LRRC1: variants seen among roughly 807,000 people sequenced by gnomAD.
LRRC1 encodes leucine-rich repeat-containing protein 1.
In LRRC1, 28 loss-of-function variants were observed where a neutral mutation model predicts 69.9. That is an observed-to-expected ratio of 0.40 (90% CI 0.30 to 0.55). LRRC1 has a LOEUF of 0.55. Ranked by LOEUF, LRRC1 falls within the 20% of genes least tolerant of loss-of-function variation. The pLI, the probability that LRRC1 is intolerant of heterozygous loss-of-function variation, is 0.47. For missense variants in LRRC1, 498 were observed against 609.0 expected (o/e 0.82, Z 1.92); for synonymous variants, 236 against 240.2 (o/e 0.98, Z 0.16).
At chr6:53,907,910 A>G (rs904247103) in intron 10 of LRRC1, among the ~76,000 whole-genome samples, 3 of 152,130 alleles carry the variant, frequency 2.0e-5, no homozygotes, top group South Asian at 2.1e-4. Flanking sequence ...ACTAAATTGT[A>G]AGTTTGTCGG....
intron 2 of LRRC1, among the ~76,000 whole-genome samples, chr6:53,847,243 C>G (rs139628648): frequency 6.6e-6 from 1 of 151,900 alleles, no homozygotes; most frequent in Non-Finnish European, 1.5e-5. Flanking sequence ...GCTTTGAATT[C>G]GTGTTAGTGA....
At chr6:53,896,003 A>G (rs1767857754) in intron 4 of LRRC1, among the ~76,000 whole-genome samples, 1 of 152,212 alleles carries the variant, frequency 6.6e-6, no homozygotes. Flanking sequence ...TAAGTAGATC[A>G]ACTTGGACTC....
intron 2 of LRRC1, among the ~76,000 whole-genome samples, chr6:53,845,228 C>A (rs1343171997): frequency 6.6e-6 from 1 of 152,146 alleles, no homozygotes; most frequent in East Asian, 1.9e-4. Context: ...AAGAACGAAT[C>A]TGTGCAGGTG....
chr6:53,899,176 T>C (rs1369471733), intron 7 of LRRC1, among the ~76,000 whole-genome samples: 2 of 152,232 alleles, frequency 1.3e-5, no homozygotes, highest in Non-Finnish European at 2.9e-5. Context: ...GGAGGTACTT[T>C]ACCTTATCCT....
At chr6:53,855,223 G>T (rs1388276944) in intron 2 of LRRC1, among the ~76,000 whole-genome samples, 4 of 152,200 alleles carry the variant, frequency 2.6e-5, no homozygotes, top group African/African-American at 9.6e-5. Context: ...AAAACACTCT[G>T]CTTATAGAGG....
chr6:53,873,022 G>A (rs958610973), intron 2 of LRRC1, among the ~76,000 whole-genome samples: 1 of 151,972 alleles, frequency 6.6e-6, no homozygotes, highest in Non-Finnish European at 1.5e-5. Context: ...CTCCCAAAGT[G>A]CTGGGATTGC....
intron 10 of LRRC1, among the ~76,000 whole-genome samples, chr6:53,906,838 A>G (rs748980280): frequency 2.6e-5 from 4 of 152,224 alleles, no homozygotes; most frequent in Non-Finnish European, 4.4e-5. Flanking sequence ...CTGTCTGATA[A>G]AGCAGAGAAT....
intron 4 of LRRC1, among the ~76,000 whole-genome samples, chr6:53,890,375 C>T (rs1434213211): frequency 6.6e-6 from 1 of 152,076 alleles, no homozygotes; most frequent in Non-Finnish European, 1.5e-5. Context: ...AATGAGTAGG[C>T]CCTAGGTTCT....
At chr6:53,908,674 G>A (rs1164031529) in intron 10 of LRRC1, among the ~76,000 whole-genome samples, 1 of 152,052 alleles carries the variant, frequency 6.6e-6, no homozygotes, top group African/African-American at 2.4e-5. Context: ...TCTTCAAGAA[G>A]GTAAAAGCAG....
chr6:53,908,252 T>G (rs1769548064), intron 10 of LRRC1, among the ~76,000 whole-genome samples: 1 of 152,210 alleles, frequency 6.6e-6, no homozygotes, highest in South Asian at 2.1e-4. Context: ...GTTTTCTTTT[T>G]GTCTCCATTA....
chr6:53,904,535 G>A, intron 10 of LRRC1, 73 bp downstream of exon 10: 1 of 1,069,518 alleles, frequency 9.4e-7, no homozygotes, highest in Non-Finnish European at 1.4e-6. Context: ...GATCAAAAAT[G>A]TCAAATGCTT....
chr6:53,831,465 T>C (rs1194672758), intron 1 of LRRC1, among the ~76,000 whole-genome samples: 1 of 152,194 alleles, frequency 6.6e-6, no homozygotes, highest in African/African-American at 2.4e-5. Context: ...AGAATAAATA[T>C]AGCAATATCA....
intron 7 of LRRC1, among the ~76,000 whole-genome samples, chr6:53,898,737 T>C (rs1767952363): frequency 6.6e-6 from 1 of 152,226 alleles, no homozygotes; most frequent in Non-Finnish European, 1.5e-5. Flanking sequence ...GGCCTGAAAT[T>C]AGTATAAATC....
chr6:53,870,534 T>A (rs940270099), intron 2 of LRRC1, among the ~76,000 whole-genome samples: 8 of 152,214 alleles, frequency 5.3e-5, no homozygotes, highest in Admixed American at 1.3e-4. Flanking sequence ...TAATTGTACA[T>A]ATTTATGAAG....
chr6:53,825,610 T>A (rs1398555189), intron 1 of LRRC1, among the ~76,000 whole-genome samples: 2 of 152,178 alleles, frequency 1.3e-5, no homozygotes, highest in African/African-American at 2.4e-5. Flanking sequence ...CGGACTTGGC[T>A]GTTCATGAGA....
In LRRC1 at chr6:53,865,868, C is replaced by T. The variant is rs141679649; in HGVS notation, c.278-13125C>T. Among the ~76,000 whole-genome samples the T allele has an allele frequency of 7.6e-4, 116 of 151,844 alleles. 1 individual carries two copies. Among genetic ancestry groups the T allele is most frequent in the Middle Eastern group, 3.4e-3 (1 of 294 alleles). The stretch of plus-strand genomic sequence containing the variant: ...TCCTGAGTAGCTGGGATTACAGGCA[C>T]GCGCCACCATGCCCAGCTAATTTTT... On this transcript the variant is annotated intron_variant, in intron 2 of 13. Coordinates refer to ENST00000370888, the MANE Select transcript of LRRC1 (RefSeq NM_018214.5).
chr6:53,920,869 C>A, intron 13 of LRRC1, 108 bp downstream of exon 13: 1 of 1,292,936 alleles, frequency 7.7e-7, no homozygotes, highest in Non-Finnish European at 1.1e-6. Context: ...CTCTGCTTTG[C>A]CTTCAGCATT....
chr6:53,921,554 A>G (rs1375865253), intron 13 of LRRC1, among the ~76,000 whole-genome samples: 1 of 152,196 alleles, frequency 6.6e-6, no homozygotes, highest in African/African-American at 2.4e-5. Context: ...GGAAAATACT[A>G]GTCACCATTA....
At chr6:53,919,394 A>T in intron 11 of LRRC1, 104 bp from the exon 12 acceptor site, 3 of 949,216 alleles carry the variant, frequency 3.2e-6, no homozygotes, top group Non-Finnish European at 4.5e-6. Context: ...AACCAATCTC[A>T]GGAAGCTCCT....
Sources: gnomAD v4.1 joint callset for allele counts (sites outside exome capture counted in the v4.1 genomes callset) on GRCh38, gnomAD v4.1.1 for gene constraint, MANE v1.5 for transcripts, NCBI Gene and HGNC (gene_info 2026-07-23, HGNC 2026-07-21) for gene names.